CEP128: variants seen among roughly 807,000 people sequenced by gnomAD.
CEP128 encodes the protein centrosomal protein 128.
A neutral mutation model predicts 156.7 loss-of-function variants in CEP128; 132 were observed. The observed-to-expected ratio is 0.84, with a 90% CI of 0.73 to 0.97. The LOEUF is 0.97. Among genes scored for constraint, CEP128 ranks in the 50% least tolerant of loss-of-function variants. The pLI is 0.00. For missense variants in CEP128, 1,252 were observed against 1,281.9 expected (o/e 0.98, Z 0.36); for synonymous variants, 469 against 448.9 (o/e 1.04, Z -0.57).
intron 9 of CEP128, among the ~76,000 whole-genome samples, chr14:80,853,987 G>A (rs200229216): frequency 2.6e-4 from 7 of 26,742 alleles, no homozygotes; most frequent in East Asian, 3.3e-3. Context: ...AAAAATCCCC[G>A]GGGGGAAAGA....
intron 13 of CEP128, among the ~76,000 whole-genome samples, chr14:80,809,943 A>T (rs1566642073): frequency 6.6e-6 from 1 of 152,112 alleles, no homozygotes; most frequent in Non-Finnish European, 1.5e-5. Flanking sequence ...AAAATAAAAA[A>T]AAGACTCAAA....
At chr14:80,735,677 C>T (rs1030920527) in intron 19 of CEP128, among the ~76,000 whole-genome samples, 1 of 152,174 alleles carries the variant, frequency 6.6e-6, no homozygotes, top group Non-Finnish European at 1.5e-5. Flanking sequence ...TATTATGTTA[C>T]AGTTCTGTCC....
chr14:80,579,501 T>A (rs943526329), intron 20 of CEP128, among the ~76,000 whole-genome samples: 2 of 152,308 alleles, frequency 1.3e-5, no homozygotes, highest in East Asian at 3.9e-4. Flanking sequence ...GGTAGAAGAA[T>A]CCCCAATCAC....
chr14:80,586,510 CT>C (rs1891827978), intron 19 of CEP128, among the ~76,000 whole-genome samples: 1 of 152,172 alleles, frequency 6.6e-6, no homozygotes, highest in Non-Finnish European at 1.5e-5. Context: ...GACTGCCCTG[CT>C]TTGACTTTCA....
intron 19 of CEP128, among the ~76,000 whole-genome samples, chr14:80,644,174 A>G (rs1189115308): frequency 6.6e-6 from 1 of 152,238 alleles, no homozygotes; most frequent in Non-Finnish European, 1.5e-5. Context: ...CAGAGCAAGC[A>G]TGGTCCTGCC....
intron 23 of CEP128, among the ~76,000 whole-genome samples, chr14:80,525,388 A>G (rs554981157): frequency 6.6e-6 from 1 of 152,348 alleles, no homozygotes; most frequent in East Asian, 1.9e-4. Flanking sequence ...GAAGGAAAAT[A>G]ATCACGCCTA....
At chr14:80,763,108 G>A (rs1276102406) in intron 16 of CEP128, among the ~76,000 whole-genome samples, 1 of 152,098 alleles carries the variant, frequency 6.6e-6, no homozygotes, top group African/African-American at 2.4e-5. Flanking sequence ...TCAGACTATA[G>A]GTTAACGAAT....
At chr14:80,892,608 T>C (rs1263858356) in intron 8 of CEP128, among the ~76,000 whole-genome samples, 2 of 151,768 alleles carry the variant, frequency 1.3e-5, no homozygotes, top group Non-Finnish European at 2.9e-5. Context: ...CAAAATGAAA[T>C]AGCAGCCTAC....
At chr14:80,763,668 T>C (rs1484783971) in intron 16 of CEP128, among the ~76,000 whole-genome samples, 1 of 152,204 alleles carries the variant, frequency 6.6e-6, no homozygotes, top group Non-Finnish European at 1.5e-5. Flanking sequence ...AATTATTTGC[T>C]TGTGAACCTA....
chr14:80,956,129 G>T (rs936056948), intron 2 of CEP128, among the ~76,000 whole-genome samples: 12 of 152,334 alleles, frequency 7.9e-5, no homozygotes, highest in Admixed American at 6.5e-4. Flanking sequence ...CCAACAAGCT[G>T]CTATTCAGCA....
At chr14:80,593,546 C>CAAAAA (rs780221928) in intron 19 of CEP128, among the ~76,000 whole-genome samples, 2 of 77,842 alleles carry the variant, frequency 2.6e-5, no homozygotes, top group African/African-American at 4.4e-5. Flanking sequence ...GACTCCATCT[C>CAAAAA]AAAAAAAAAA....
Position 80,763,339 on chromosome 14 carries a change from A to G in CEP128, c.2377-1726T>C, listed in dbSNP as rs73342530. Reference sequence around the variant, plus strand: ...TCTGTCCAAACTCTCCCTACCAATTAATACATCATTTCTTTAGATTGATTA... The same window carrying G: ...TCTGTCCAAACTCTCCCTACCAATTGATACATCATTTCTTTAGATTGATTA... On this transcript the variant is annotated intron_variant, in intron 16 of 24. Transcript: ENST00000555265. 9.7e-3 allele frequency among the ~76,000 whole-genome samples: 1,480 copies of G among 152,270 alleles called. 25 individuals are homozygous for G. The highest frequency in any genetic ancestry group is 0.033 in the African/African-American group (1,386 of 41,562).
chr14:80,613,469 ATT>A (rs368473582), intron 19 of CEP128, among the ~76,000 whole-genome samples: 6 of 139,686 alleles, frequency 4.3e-5, no homozygotes, highest in Admixed American at 7.1e-5. Context: ...TGGCTGGCTA[ATT>A]TTTTTTTTTT....
At chr14:80,730,715 A>G (rs1223589320) in intron 19 of CEP128, among the ~76,000 whole-genome samples, 1 of 152,224 alleles carries the variant, frequency 6.6e-6, no homozygotes, top group Non-Finnish European at 1.5e-5. Context: ...TACAGTGTCC[A>G]TTAATCACTG....
intron 24 of CEP128, among the ~76,000 whole-genome samples, chr14:80,498,323 C>T (rs1887586425): frequency 1.3e-5 from 2 of 152,134 alleles, no homozygotes; most frequent in African/African-American, 4.8e-5. Flanking sequence ...TTTCTTCTTG[C>T]TCCCTTACGA....
intron 19 of CEP128, among the ~76,000 whole-genome samples, chr14:80,635,566 G>A (rs1273632512): frequency 6.6e-6 from 1 of 152,030 alleles, no homozygotes; most frequent in Non-Finnish European, 1.5e-5. Flanking sequence ...AGGATACAGC[G>A]CCACACAATA....
At chr14:80,621,395 T>C (rs963736650) in intron 19 of CEP128, among the ~76,000 whole-genome samples, 3 of 152,170 alleles carry the variant, frequency 2.0e-5, no homozygotes, top group Non-Finnish European at 1.5e-5. Flanking sequence ...CTAAGATTCT[T>C]TGATTGTGTA....
intron 16 of CEP128, among the ~76,000 whole-genome samples, chr14:80,764,098 T>C (rs892291608): frequency 3.9e-5 from 6 of 152,252 alleles, no homozygotes; most frequent in Non-Finnish European, 8.8e-5. Context: ...ATTACTTGTC[T>C]CTTATTAATA....
chr14:80,503,030 A>T (rs1178734321), intron 24 of CEP128, among the ~76,000 whole-genome samples: 18 of 152,128 alleles, frequency 1.2e-4, no homozygotes, highest in African/African-American at 4.3e-4. Flanking sequence ...GGTAGCTAGG[A>T]TTAAATTTTT....
Sources: gnomAD v4.1 joint callset for allele counts (sites outside exome capture counted in the v4.1 genomes callset) on GRCh38, gnomAD v4.1.1 for gene constraint, MANE v1.5 for transcripts, NCBI Gene and HGNC (gene_info 2026-07-23, HGNC 2026-07-21) for gene names.